The following GNB1 variants were observed in gnomAD, a reference collection of about 807,000 sequenced individuals.
GNB1 encodes the protein G protein subunit beta 1.
A neutral mutation model predicts 42.9 loss-of-function variants in GNB1; 2 were observed. That is an observed-to-expected ratio of 0.05 (90% CI 0.02 to 0.15). The LOEUF (loss-of-function observed/expected upper bound fraction) is 0.15, where lower values mean the gene tolerates loss of function less well. GNB1 is among the 10% of genes least tolerant of loss of function. The pLI is 1.00. For missense variants in GNB1, 193 were observed against 462.2 expected (o/e 0.42, Z 5.34); for synonymous variants, 183 against 174.7 (o/e 1.05, Z -0.38).
intron 1 of GNB1, among the ~76,000 whole-genome samples, chr1:1,848,357 CAAAAAAAA>C (rs56979938): frequency 1.0e-3 from 99 of 94,356 alleles, no homozygotes; most frequent in African/African-American, 3.1e-3. Flanking sequence ...CCAGCCCAGG[CAAAAAAAA>C]AAAAAAAAAG....
At chr1:1,813,295 A>T (rs1182186192) in intron 5 of GNB1, among the ~76,000 whole-genome samples, 1 of 151,992 alleles carries the variant, frequency 6.6e-6, no homozygotes, top group Non-Finnish European at 1.5e-5. Context: ...TTTAGCAGAG[A>T]TGGGGTTTCG....
At chr1:1,838,086 C>T (rs900256879) in intron 2 of GNB1, among the ~76,000 whole-genome samples, 4 of 151,846 alleles carry the variant, frequency 2.6e-5, no homozygotes, top group Non-Finnish European at 5.9e-5. Flanking sequence ...GCCTGTAATC[C>T]CAGCTAATTG....
intron 5 of GNB1, among the ~76,000 whole-genome samples, chr1:1,812,870 C>T (rs1233948742): frequency 1.3e-5 from 2 of 149,078 alleles, no homozygotes; most frequent in Non-Finnish European, 3.0e-5. Flanking sequence ...TTCACACACC[C>T]ATCTCTTCGG....
chr1:1,797,331 ATATAATACTG>A (rs2100599311), intron 7 of GNB1, among the ~76,000 whole-genome samples: 1 of 152,360 alleles, frequency 6.6e-6, no homozygotes, highest in East Asian at 1.9e-4. Context: ...TACTATAGTT[ATATAATACTG>A]TATAATACTA....
At chr1:1,887,026 A>T (rs2101946790) in intron 1 of GNB1, among the ~76,000 whole-genome samples, 1 of 152,288 alleles carries the variant, frequency 6.6e-6, no homozygotes, top group East Asian at 1.9e-4. Context: ...CCAGTTTAAA[A>T]TTTTATAAAA....
chr1:1,816,731 C>T (rs1438425269), intron 4 of GNB1, among the ~76,000 whole-genome samples: 2 of 148,956 alleles, frequency 1.3e-5, no homozygotes, highest in Middle Eastern at 6.9e-3. Flanking sequence ...TCACTGCAAC[C>T]TCTGCCTCCC....
rs1264196579 is a variant in GNB1, at chr1:1,787,244, G to A, written c.*9+78C>T. 10 of 768,520 alleles carry A rather than the reference G, an allele frequency of 1.3e-5. No homozygotes were observed. The Admixed American group carries it at 2.0e-4, about 15-fold the overall frequency. The allele number at this position is 768,520 out of a possible 1,614,324, so 47.6% of individuals were successfully genotyped here. ...CTACATCAACATTTATCTAGAAACCGTTAATGACAACTTCAAATGTTCTAT... is the reference window on the plus strand; with the variant it reads ...CTACATCAACATTTATCTAGAAACCATTAATGACAACTTCAAATGTTCTAT... On this transcript the variant is annotated intron_variant, in intron 11 of 11. Coordinates refer to ENST00000378609, the MANE Select transcript of GNB1 (RefSeq NM_002074.5). This position sits in a 1 kb window ranked among gnomAD's most constrained non-coding sequence, Gnocchi z 4.4.
At chr1:1,813,589 C>G (rs1182559111) in intron 5 of GNB1, among the ~76,000 whole-genome samples, 3 of 152,112 alleles carry the variant, frequency 2.0e-5, no homozygotes, top group Non-Finnish European at 4.4e-5. Flanking sequence ...CTCCTGGGTT[C>G]AAGTGATCCT....
At chr1:1,862,818 G>C (rs1391242172) in intron 1 of GNB1, among the ~76,000 whole-genome samples, 1 of 152,122 alleles carries the variant, frequency 6.6e-6, no homozygotes. Flanking sequence ...AGGAAGCTGA[G>C]GAGGGCTCCC....
intron 2 of GNB1, among the ~76,000 whole-genome samples, chr1:1,832,075 A>G (rs1000255880): frequency 3.3e-5 from 5 of 151,826 alleles, no homozygotes; most frequent in South Asian, 2.1e-4. Flanking sequence ...AAAAAAAAAA[A>G]AAAAGAAAAG....
chr1:1,827,261 C>G (rs993889381), intron 2 of GNB1, among the ~76,000 whole-genome samples: 21 of 152,146 alleles, frequency 1.4e-4, no homozygotes, highest in African/African-American at 4.8e-4. Context: ...TCCACAGAAC[C>G]AGAAAGGCCT....
chr1:1,886,270 A>G (rs1326695534), intron 1 of GNB1, among the ~76,000 whole-genome samples: 1 of 152,156 alleles, frequency 6.6e-6, no homozygotes, highest in Non-Finnish European at 1.5e-5. Context: ...GTGAGCCGAG[A>G]TTGCGCCACT....
intron 3 of GNB1, among the ~76,000 whole-genome samples, chr1:1,823,242 GAAAAAAAAAA>G (rs745874003): frequency 2.7e-5 from 1 of 36,844 alleles, no homozygotes; most frequent in Non-Finnish European, 5.7e-5. Context: ...ACTGTCTCCA[GAAAAAAAAAA>G]AAAAAAAAAA....
rs992901236 is a variant in GNB1 at position 1,814,480 on chromosome 1, GAAGA to G, written c.203+1272_203+1275del. ...TCACGGAAGGGAGATGCCTGGTGGAGAAGAAAGGGGTATAATTTAAAGTACAAGA... is the reference window on the plus strand; with the variant it reads ...TCACGGAAGGGAGATGCCTGGTGGAGAAGGGGTATAATTTAAAGTACAAGA... On this transcript the variant is annotated intron_variant, in intron 5 of 11. Coordinates refer to ENST00000378609, the MANE Select transcript of GNB1 (RefSeq NM_002074.5). Among the ~76,000 whole-genome samples the G allele has an allele frequency of 6.6e-5, 10 of 152,250 alleles. No individual in the cohort carries two copies. The South Asian group carries it at 1.5e-3, about 22-fold the overall frequency.
chr1:1,855,670 C>T (rs889244957), intron 1 of GNB1, among the ~76,000 whole-genome samples: 1 of 151,876 alleles, frequency 6.6e-6, no homozygotes, highest in African/African-American at 2.4e-5. Context: ...CGCGCCACTG[C>T]ACTCCAGCCT....
chr1:1,816,315 C>T (rs1291410395), intron 4 of GNB1, among the ~76,000 whole-genome samples: 1 of 152,178 alleles, frequency 6.6e-6, no homozygotes, highest in African/African-American at 2.4e-5. Flanking sequence ...TCTGCACGAC[C>T]ATCACTTGGA....
intron 2 of GNB1, among the ~76,000 whole-genome samples, chr1:1,828,657 A>G (rs1029555304): frequency 6.6e-6 from 1 of 152,176 alleles, no homozygotes; most frequent in Non-Finnish European, 1.5e-5. Context: ...CTTCTTTTTC[A>G]TAGTTAATAG....
chr1:1,806,414 A>C, intron 6 of GNB1, 61 bp downstream of exon 6: 1 of 985,416 alleles, frequency 1.0e-6, no homozygotes, highest in Non-Finnish European at 1.6e-6. Context: ...AAATGAATCC[A>C]GAGCTTAAAA....
At chr1:1,838,203 A>C (rs1400465732) in intron 2 of GNB1, among the ~76,000 whole-genome samples, 2 of 152,106 alleles carry the variant, frequency 1.3e-5, no homozygotes, top group Non-Finnish European at 2.9e-5. Context: ...ACTCTGTCTC[A>C]AAAGAAAAAA....
Sources: gnomAD v4.1 joint callset for allele counts (sites outside exome capture counted in the v4.1 genomes callset) on GRCh38, gnomAD v4.1.1 for gene constraint, Gnocchi (gnomAD v3.1) non-coding constraint, MANE v1.5 for transcripts, NCBI Gene and HGNC (gene_info 2026-07-23, HGNC 2026-07-21) for gene names.